The following AGBL4 variants were observed in gnomAD, a reference collection of about 807,000 sequenced individuals.
The protein encoded by AGBL4 is cytosolic carboxypeptidase 6.
A neutral mutation model predicts 66.4 loss-of-function variants in AGBL4; 58 were observed. The observed-to-expected ratio is 0.87, with a 90% CI of 0.71 to 1.09. AGBL4 has a LOEUF of 1.09. AGBL4 is among the 50% of genes least tolerant of loss of function. The pLI is 0.00. For missense variants in AGBL4, 579 were observed against 631.0 expected (o/e 0.92, Z 0.88); for synonymous variants, 234 against 222.9 (o/e 1.05, Z -0.44).
At chr1:49,225,213 C>T (rs1281162275) in intron 4 of AGBL4, among the ~76,000 whole-genome samples, 1 of 152,182 alleles carries the variant, frequency 6.6e-6, no homozygotes, top group Non-Finnish European at 1.5e-5. Flanking sequence ...CAGTATTGAA[C>T]TCATTTAAGT....
At chr1:49,021,881 G>C (rs779926168) in intron 5 of AGBL4, among the ~76,000 whole-genome samples, 2 of 151,972 alleles carry the variant, frequency 1.3e-5, no homozygotes, top group Non-Finnish European at 2.9e-5. Flanking sequence ...GGTCTCTCTG[G>C]GTCCAAACTT....
chr1:48,745,853 C>T (rs1361480492), intron 6 of AGBL4, among the ~76,000 whole-genome samples: 1 of 152,060 alleles, frequency 6.6e-6, no homozygotes, highest in East Asian at 1.9e-4. Flanking sequence ...TTGCACTCTC[C>T]CCACCCCTCT....
At chr1:49,937,455 C>A (rs1338837071) in intron 1 of AGBL4, among the ~76,000 whole-genome samples, 1 of 151,748 alleles carries the variant, frequency 6.6e-6, no homozygotes, top group African/African-American at 2.4e-5. Flanking sequence ...AACAAGGATA[C>A]CCAGGAATTG....
intron 2 of AGBL4, among the ~76,000 whole-genome samples, chr1:49,796,447 A>T (rs1644731194): frequency 6.6e-6 from 1 of 151,706 alleles, no homozygotes; most frequent in Non-Finnish European, 1.5e-5. Context: ...AACAATAGGG[A>T]AATCACTAAA....
intron 3 of AGBL4, among the ~76,000 whole-genome samples, chr1:49,288,274 T>C (rs1644462736): frequency 6.9e-6 from 1 of 145,376 alleles, no homozygotes; most frequent in South Asian, 2.2e-4. Flanking sequence ...TGATGACGAG[T>C]TAGTGGGTGC....
chr1:49,499,450 T>C (rs888538138), intron 3 of AGBL4, among the ~76,000 whole-genome samples: 96 of 152,052 alleles, frequency 6.3e-4, no homozygotes, highest in African/African-American at 2.3e-3. Context: ...TCTAAAATGT[T>C]GGTGCACCCA....
intron 5 of AGBL4, among the ~76,000 whole-genome samples, chr1:48,897,343 A>G (rs1651617701): frequency 6.6e-6 from 1 of 152,166 alleles, no homozygotes; most frequent in South Asian, 2.1e-4. Flanking sequence ...TTAATATTTC[A>G]TTGTGCATAT....
chr1:48,696,127 G>A (rs1450639619), intron 6 of AGBL4, among the ~76,000 whole-genome samples: 4 of 152,114 alleles, frequency 2.6e-5, no homozygotes, highest in Non-Finnish European at 4.4e-5. Context: ...GGAGGTATTC[G>A]AAATATTAGA....
chr1:49,291,376 A>T (rs1253028281), intron 3 of AGBL4, among the ~76,000 whole-genome samples: 2 of 152,228 alleles, frequency 1.3e-5, no homozygotes, highest in African/African-American at 4.8e-5. Flanking sequence ...ACAAGAAAAA[A>T]GGATAATAGT....
rs1256618209 is a variant in AGBL4, at chr1:48,539,854, G to A, written c.1268-116C>T. ...AACAGTTACACACTCATTGTTCTAA[G>A]CTTTTTGTATGCGCTGTCTTTTTTG... On this transcript the variant is annotated intron_variant, in intron 11 of 13. Transcript: ENST00000371839. 6.5e-6 allele frequency: 4 copies of A among 612,402 alleles called. No homozygotes were observed. The East Asian group carries it at 1.4e-4, about 21-fold the overall frequency. The allele number at this position is 612,402 out of a possible 1,614,324, so 37.9% of individuals were successfully genotyped here. A position where few individuals can be genotyped will look rare whatever the true frequency, so the allele number is the denominator to read the frequency against.
At position 49,116,225 on chromosome 1, in the gene AGBL4, A is replaced by AT. The variant is rs542380123; in HGVS notation, c.378-70426dup. 5.0e-3 allele frequency among the ~76,000 whole-genome samples: 764 copies of AT among 152,068 alleles called. 4 individuals are homozygous for AT. Among genetic ancestry groups the AT allele is most frequent in the Non-Finnish European group, 8.6e-3 (581 of 67,934 alleles). Reference sequence around the variant, plus strand: ...TGGCAACATTTTTCTTCTTTTTAAAATTTTTTTATTATACTTTAAGTTCTA... The same window carrying AT: ...TGGCAACATTTTTCTTCTTTTTAAAATTTTTTTTATTATACTTTAAGTTCTA... On this transcript the variant is annotated intron_variant, in intron 4 of 13. Transcript: ENST00000371839.
rs1033826490 is a variant in AGBL4 at position 49,919,300 on chromosome 1, T to G, written c.35-67782A>C. Among the ~76,000 whole-genome samples the G allele has an allele frequency of 1.1e-4, 16 of 152,236 alleles. No homozygotes were observed. The South Asian group carries it at 2.3e-3, about 22-fold the overall frequency. On this transcript the variant is annotated intron_variant, in intron 1 of 13. Coordinates refer to ENST00000371839, the MANE Select transcript of AGBL4 (RefSeq NM_032785.4). Reference sequence around the variant, plus strand: ...GGAAAACAGGAAGTCACATTGGCCCTGTTTGCAGATGACATAATTGTACAT... The same window carrying G: ...GGAAAACAGGAAGTCACATTGGCCCGGTTTGCAGATGACATAATTGTACAT...
chr1:49,514,128 A>G (rs900882627), intron 3 of AGBL4, among the ~76,000 whole-genome samples: 4 of 151,842 alleles, frequency 2.6e-5, no homozygotes, highest in Non-Finnish European at 4.4e-5. Flanking sequence ...GGCTGAGACA[A>G]TGGGGTTTTC....
intron 1 of AGBL4, among the ~76,000 whole-genome samples, chr1:49,984,728 T>C (rs1393281138): frequency 6.6e-6 from 1 of 152,194 alleles, no homozygotes; most frequent in Non-Finnish European, 1.5e-5. Flanking sequence ...AGTTAACAAT[T>C]GAAACCAACA....
At chr1:49,761,519 C>T (rs914120943) in intron 2 of AGBL4, among the ~76,000 whole-genome samples, 1 of 152,182 alleles carries the variant, frequency 6.6e-6, no homozygotes, top group Non-Finnish European at 1.5e-5. Context: ...AGTCTCTTCC[C>T]TTTTTGGCAT....
At chr1:49,224,483 G>C (rs542350255) in intron 4 of AGBL4, among the ~76,000 whole-genome samples, 4 of 151,964 alleles carry the variant, frequency 2.6e-5, no homozygotes, top group Middle Eastern at 3.2e-3. Flanking sequence ...CGGGCATGGT[G>C]GTGGGCCCCT....
intron 3 of AGBL4, among the ~76,000 whole-genome samples, chr1:49,534,549 G>A (rs890894762): frequency 6.6e-6 from 1 of 152,180 alleles, no homozygotes; most frequent in South Asian, 2.1e-4. Flanking sequence ...AAAGGATGAT[G>A]TTCCTAGACA....
At chr1:49,312,696 T>C (rs983226762) in intron 3 of AGBL4, among the ~76,000 whole-genome samples, 14 of 151,894 alleles carry the variant, frequency 9.2e-5, no homozygotes, top group African/African-American at 2.2e-4. Flanking sequence ...AAAGAAGATA[T>C]AGATGACAAA....
intron 3 of AGBL4, among the ~76,000 whole-genome samples, chr1:49,379,814 C>T (rs1644556239): frequency 6.6e-6 from 1 of 151,962 alleles, no homozygotes; most frequent in East Asian, 1.9e-4. Context: ...CATCAATGTT[C>T]ATCAAGGATA....
Sources: gnomAD v4.1 joint callset for allele counts (sites outside exome capture counted in the v4.1 genomes callset) on GRCh38, gnomAD v4.1.1 for gene constraint, MANE v1.5 for transcripts, NCBI Gene and HGNC (gene_info 2026-07-23, HGNC 2026-07-21) for gene names.